RNF2: variants seen among roughly 807,000 people sequenced by gnomAD.
RNF2 encodes E3 ubiquitin-protein ligase RING2.
Under a neutral mutation model 37.2 loss-of-function variants are expected in RNF2, and 6 were observed. That is an observed-to-expected ratio of 0.16 (90% CI 0.09 to 0.32). The LOEUF is 0.32. Ranked by LOEUF, RNF2 falls within the 10% of genes least tolerant of loss-of-function variation. The pLI is 1.00. For synonymous variants in RNF2, 133 were observed against 132.7 expected (o/e 1.00, Z -0.02); for missense variants, 251 against 404.0 (o/e 0.62, Z 3.25).
chr1:185,093,202 G>T lies in RNF2; in HGVS notation c.390G>T (p.Arg130Ser). 3 of 1,614,008 alleles carry T rather than the reference G, an allele frequency of 1.9e-6. No homozygotes were observed. The highest frequency in any genetic ancestry group is 2.5e-6 in the Non-Finnish European group (3 of 1,179,984). Residue 130 changes from arginine (R) to serine (S), a missense_variant, in exon 4 of 7, where the codon AGG (arginine) becomes AGT (serine). Arg to Ser is a moderately radical substitution (Grantham distance 110, BLOSUM62 -1). Transcript: ENST00000367510. ...CTCATCAAGAGAGAGTATTAGCCAG[G>T]ATCAACAAGCACAATAATCAGCAAG... ...YEAHQERVLA[R>S]INKHNNQQAL...
intron 1 of RNF2, among the ~76,000 whole-genome samples, chr1:185,085,259 C>T (rs1225594801): frequency 6.8e-6 from 1 of 147,262 alleles, no homozygotes; most frequent in Admixed American, 7.0e-5. Flanking sequence ...TGCTATTCTC[C>T]TGCCTCAGCC....
At chr1:185,054,653 C>A (rs537384377) in intron 1 of RNF2, among the ~76,000 whole-genome samples, 2 of 152,128 alleles carry the variant, frequency 1.3e-5, no homozygotes, top group African/African-American at 2.4e-5. Context: ...ATTGACATGT[C>A]GCCTCAGTTT....
At chr1:185,090,364 C>T (rs144884694) in intron 2 of RNF2, among the ~76,000 whole-genome samples, 2 of 152,126 alleles carry the variant, frequency 1.3e-5, no homozygotes, top group Non-Finnish European at 1.5e-5. Flanking sequence ...TAGGCATGTT[C>T]TAAAGAGGCA....
intron 1 of RNF2, among the ~76,000 whole-genome samples, chr1:185,054,447 C>G (rs1482888389): frequency 1.3e-5 from 2 of 152,192 alleles, no homozygotes; most frequent in African/African-American, 4.8e-5. Flanking sequence ...ATAGCTGGGC[C>G]TTGCAATACT....
intron 1 of RNF2, among the ~76,000 whole-genome samples, chr1:185,054,149 T>G (rs1253264780): frequency 6.6e-6 from 1 of 152,216 alleles, no homozygotes; most frequent in Admixed American, 6.5e-5. Context: ...CGTCTGTAGG[T>G]AATGCCAAGT....
chr1:185,093,184 A>G lies in RNF2; in HGVS notation c.372A>G (p.Gln124=). 1 of 1,614,128 alleles carries G rather than the reference A, an allele frequency of 6.2e-7. No homozygotes were observed. Among genetic ancestry groups the G allele is most frequent in the Non-Finnish European group, 8.5e-7 (1 of 1,179,984 alleles). The part of the protein sequence containing the change: ...YPSRDEYEAH[Q]ERVLARINKH... ...GTCGTGATGAGTATGAAGCTCATCAAGAGAGAGTATTAGCCAGGATCAACA... is the reference window on the plus strand; with the variant it reads ...GTCGTGATGAGTATGAAGCTCATCAGGAGAGAGTATTAGCCAGGATCAACA... The change falls in exon 4 of 7, where the codon CAA becomes CAG. Residue 124 remains glutamine, a synonymous_variant. Transcript: ENST00000367510.
At chr1:185,061,293 A>G (rs908295543) in intron 1 of RNF2, among the ~76,000 whole-genome samples, 3 of 151,804 alleles carry the variant, frequency 2.0e-5, no homozygotes, top group Admixed American at 2.0e-4. Flanking sequence ...ATGCCCGGCT[A>G]ATTTTTTGTA....
intron 1 of RNF2, among the ~76,000 whole-genome samples, chr1:185,061,663 G>T (rs1650611076): frequency 6.6e-6 from 1 of 152,174 alleles, no homozygotes; most frequent in East Asian, 1.9e-4. Context: ...ATTTTAATAT[G>T]CAGTATACCT....
intron 2 of RNF2, among the ~76,000 whole-genome samples, chr1:185,090,029 C>T (rs536796966): frequency 6.6e-6 from 1 of 152,212 alleles, no homozygotes; most frequent in Non-Finnish European, 1.5e-5. Flanking sequence ...TCAAATGATT[C>T]TCCTGCTTCA....
At chr1:185,056,020 G>A (rs1402711799) in intron 1 of RNF2, among the ~76,000 whole-genome samples, 1 of 152,042 alleles carries the variant, frequency 6.6e-6, no homozygotes, top group Admixed American at 6.6e-5. Context: ...GTACTATCTA[G>A]AATAGTAAAT....
rs144621180 is a variant in RNF2 at position 185,065,042 on chromosome 1, C to T, written c.-3+19393C>T. Among the ~76,000 whole-genome samples, 258 of 152,152 alleles carry T rather than the reference C, an allele frequency of 1.7e-3. 1 individual carries two copies. Among genetic ancestry groups the T allele is most frequent in the Middle Eastern group, 3.4e-3 (1 of 294 alleles). On this transcript the variant is annotated intron_variant, in intron 1 of 6. Coordinates refer to ENST00000367510, the MANE Select transcript of RNF2 (RefSeq NM_007212.4). Reference sequence around the variant, plus strand: ...GATGAAGCCAGCTGGACTTCTGGGTCGGGTGGGGACTTGGAGAACTTTTCT... The same window carrying T: ...GATGAAGCCAGCTGGACTTCTGGGTTGGGTGGGGACTTGGAGAACTTTTCT...
intron 1 of RNF2, among the ~76,000 whole-genome samples, chr1:185,047,299 A>G (rs1364547484): frequency 6.6e-6 from 1 of 152,254 alleles, no homozygotes; most frequent in Non-Finnish European, 1.5e-5. Flanking sequence ...AGTGTGTTGC[A>G]TAGAAAAATT....
intron 1 of RNF2, among the ~76,000 whole-genome samples, chr1:185,080,128 C>G (rs1045711036): frequency 2.0e-5 from 3 of 152,174 alleles, no homozygotes; most frequent in African/African-American, 7.2e-5. Context: ...TCTTTGCTGG[C>G]TTCCACTCTA....
chr1:185,088,610 T>C (rs1365684397), intron 2 of RNF2, among the ~76,000 whole-genome samples: 2 of 152,088 alleles, frequency 1.3e-5, no homozygotes, highest in Non-Finnish European at 2.9e-5. Flanking sequence ...TTAAAGTGTT[T>C]AACACTAGTG....
intron 1 of RNF2, among the ~76,000 whole-genome samples, chr1:185,064,317 A>G (rs1293741754): frequency 6.6e-6 from 1 of 152,216 alleles, no homozygotes; most frequent in African/African-American, 2.4e-5. Context: ...AATAATAGCT[A>G]TTGTTTATTC....
At chr1:185,052,010 C>T (rs918713151) in intron 1 of RNF2, among the ~76,000 whole-genome samples, 1 of 151,238 alleles carries the variant, frequency 6.6e-6, no homozygotes, top group Non-Finnish European at 1.5e-5. Context: ...AGAAGTGGAA[C>T]ATTCTATTAC....
intron 1 of RNF2, among the ~76,000 whole-genome samples, chr1:185,084,694 G>C (rs1651529469): frequency 6.6e-6 from 1 of 152,164 alleles, no homozygotes; most frequent in Non-Finnish European, 1.5e-5. Context: ...GAGGTAACTA[G>C]AAATCATCCT....
chr1:185,078,848 C>T (rs1651254276), intron 1 of RNF2, among the ~76,000 whole-genome samples: 1 of 152,164 alleles, frequency 6.6e-6, no homozygotes, highest in Non-Finnish European at 1.5e-5. Context: ...AGTTCGAGAC[C>T]AGCCTAGCCA....
rs80323231 is a variant in RNF2, at chr1:185,058,189, T to G, written c.-3+12540T>G. On this transcript the variant is annotated intron_variant, in intron 1 of 6. Transcript: ENST00000367510. ...AGCAACTAGTTACATAGCATTTATA[T>G]TGTATTAGGTAGTATAGGTAATCTA... Among the ~76,000 whole-genome samples, 851 of 152,268 alleles carry G rather than the reference T, an allele frequency of 5.6e-3. 3 individuals carry two copies. The highest frequency in any genetic ancestry group is 0.013 in the South Asian group (62 of 4,830).
Sources: allele counts gnomAD v4.1 joint callset (sites outside exome capture counted in the v4.1 genomes callset), GRCh38; gene constraint gnomAD v4.1.1; transcripts MANE v1.5; gene names NCBI Gene and HGNC (gene_info 2026-07-23, HGNC 2026-07-21).